CHCHD3: variants seen among roughly 807,000 people sequenced by gnomAD.
CHCHD3 encodes the protein MICOS complex subunit MIC19.
In CHCHD3, 20 loss-of-function variants were observed where a neutral mutation model predicts 38.2. That is an observed-to-expected ratio of 0.52 (90% CI 0.37 to 0.76). CHCHD3 has a LOEUF of 0.76. Ranked by LOEUF, CHCHD3 falls within the 30% of genes least tolerant of loss-of-function variation. The pLI, the probability that CHCHD3 is intolerant of heterozygous loss-of-function variation, is 0.00. For missense variants in CHCHD3, 245 were observed against 279.2 expected, an observed-to-expected ratio of 0.88 and a Z score of 0.87; for synonymous variants, 82 against 100.0, an observed-to-expected ratio of 0.82 and a Z score of 1.07.
At chr7:132,800,653 G>C (rs1261136297) in intron 6 of CHCHD3, among the ~76,000 whole-genome samples, 1 of 152,096 alleles carries the variant, frequency 6.6e-6, no homozygotes, top group Non-Finnish European at 1.5e-5. Context: ...AACTCCCAAG[G>C]CTCTAGAGGA....
At chr7:132,905,290 C>T (rs1427874968) in intron 4 of CHCHD3, among the ~76,000 whole-genome samples, 3 of 152,158 alleles carry the variant, frequency 2.0e-5, no homozygotes, top group Non-Finnish European at 4.4e-5. Context: ...GAGATCATGT[C>T]CTTTGCAGGG....
intron 6 of CHCHD3, among the ~76,000 whole-genome samples, chr7:132,807,609 AT>A (rs1806957643): frequency 2.5e-4 from 6 of 24,104 alleles, no homozygotes; most frequent in African/African-American, 3.8e-4. Flanking sequence ...ACACATAAAT[AT>A]ATATATATAT....
At chr7:133,072,873 C>T (rs373554075) in intron 1 of CHCHD3, among the ~76,000 whole-genome samples, 9 of 151,216 alleles carry the variant, frequency 6.0e-5, no homozygotes, top group African/African-American at 2.2e-4. Flanking sequence ...AGCATCACTA[C>T]CCAGTATCTG....
At chr7:132,841,499 T>C (rs1807939298) in intron 5 of CHCHD3, among the ~76,000 whole-genome samples, 1 of 150,378 alleles carries the variant, frequency 6.6e-6, no homozygotes, top group Non-Finnish European at 1.5e-5. Context: ...GGATAACTAC[T>C]GGGTATTCGT....
At chr7:132,789,146 T>C (rs959471114) in intron 7 of CHCHD3, among the ~76,000 whole-genome samples, 4 of 152,312 alleles carry the variant, frequency 2.6e-5, no homozygotes, top group Admixed American at 2.6e-4. Context: ...TAAGTACTGC[T>C]GTTGGGCTGA....
At chr7:132,892,845 T>C (rs550290689) in intron 4 of CHCHD3, among the ~76,000 whole-genome samples, 1 of 152,230 alleles carries the variant, frequency 6.6e-6, no homozygotes, top group Admixed American at 6.5e-5. Flanking sequence ...CGCACAGAAG[T>C]CAAGAATTGA....
chr7:133,045,603 A>G (rs935416106), intron 2 of CHCHD3, among the ~76,000 whole-genome samples: 2 of 152,360 alleles, frequency 1.3e-5, no homozygotes, highest in East Asian at 3.9e-4. Context: ...ATTTAAACTT[A>G]TAGGTTCTAA....
At chr7:132,884,761 C>T (rs1216523083) in intron 5 of CHCHD3, among the ~76,000 whole-genome samples, 1 of 152,122 alleles carries the variant, frequency 6.6e-6, no homozygotes, top group Non-Finnish European at 1.5e-5. Context: ...TGATAAGGTG[C>T]TCAAACTCTC....
At chr7:132,977,836 C>T (rs976657041) in intron 3 of CHCHD3, among the ~76,000 whole-genome samples, 7 of 151,766 alleles carry the variant, frequency 4.6e-5, no homozygotes, top group Non-Finnish European at 8.8e-5. Flanking sequence ...ATATGGAGTT[C>T]TACATGGTTC....
At chr7:133,029,955 C>A (rs1478756754) in intron 2 of CHCHD3, among the ~76,000 whole-genome samples, 1 of 151,762 alleles carries the variant, frequency 6.6e-6, no homozygotes, top group Non-Finnish European at 1.5e-5. Context: ...CACTTTTGGT[C>A]CATAAAGGAG....
chr7:132,860,281 T>G (rs1446357913), intron 5 of CHCHD3, among the ~76,000 whole-genome samples: 2 of 142,434 alleles, frequency 1.4e-5, no homozygotes, highest in Non-Finnish European at 3.0e-5. Flanking sequence ...ATAAACAGAT[T>G]TTTTTTTATA....
intron 5 of CHCHD3, among the ~76,000 whole-genome samples, chr7:132,870,915 C>T (rs968752782): frequency 6.6e-6 from 1 of 152,012 alleles, no homozygotes; most frequent in East Asian, 1.9e-4. Flanking sequence ...TGAATGCTAA[C>T]GTTTCAAGGA....
intron 2 of CHCHD3, among the ~76,000 whole-genome samples, chr7:133,055,140 AAC>A (rs1814280397): frequency 6.6e-6 from 1 of 151,962 alleles, no homozygotes; most frequent in South Asian, 2.1e-4. Flanking sequence ...GCCTGGGAAA[AAC>A]AGTGAGACCT....
chr7:133,050,038 A>G (rs983803469), intron 2 of CHCHD3, among the ~76,000 whole-genome samples: 1 of 152,156 alleles, frequency 6.6e-6, no homozygotes, highest in African/African-American at 2.4e-5. Context: ...TCAAGAAGGC[A>G]GTAGCATCAA....
intron 4 of CHCHD3, among the ~76,000 whole-genome samples, chr7:132,926,253 T>C (rs1215519886): frequency 6.6e-6 from 1 of 152,176 alleles, no homozygotes; most frequent in African/African-American, 2.4e-5. Flanking sequence ...GTTACTGGTA[T>C]CAGTAGAGTT....
intron 4 of CHCHD3, among the ~76,000 whole-genome samples, chr7:132,928,678 CAGAGCAAG>C (rs1293373333): frequency 6.6e-6 from 1 of 152,066 alleles, no homozygotes; most frequent in Non-Finnish European, 1.5e-5. Flanking sequence ...GCCAGAGCAA[CAGAGCAAG>C]ACTCCATCAA....
chr7:132,848,371 T>C (rs997651485), intron 5 of CHCHD3, among the ~76,000 whole-genome samples: 3 of 152,222 alleles, frequency 2.0e-5, no homozygotes, highest in Non-Finnish European at 4.4e-5. Context: ...AAGTATGTTT[T>C]CCCAAAGGTG....
At chr7:132,900,996 A>C (rs1422864979) in intron 4 of CHCHD3, among the ~76,000 whole-genome samples, 3 of 152,208 alleles carry the variant, frequency 2.0e-5, no homozygotes, top group Non-Finnish European at 4.4e-5. Flanking sequence ...CTCTCAAAAA[A>C]CAAAAAACAG....
chr7:132,968,754 C>T (rs1022983072), intron 4 of CHCHD3, among the ~76,000 whole-genome samples: 1 of 152,218 alleles, frequency 6.6e-6, no homozygotes, highest in Non-Finnish European at 1.5e-5. Context: ...CAAGTGATCA[C>T]TCTTACTCTT....
Sources: allele counts gnomAD v4.1 joint callset (sites outside exome capture counted in the v4.1 genomes callset), GRCh38; gene constraint gnomAD v4.1.1; transcripts MANE v1.5; gene names NCBI Gene and HGNC (gene_info 2026-07-23, HGNC 2026-07-21).